The following SP140 variants were observed in gnomAD, a reference collection of about 807,000 sequenced individuals.
The protein encoded by SP140 is nuclear body protein SP140.
SP140 carries 81 observed loss-of-function variants against 125.0 expected under a neutral mutation model. That is an observed-to-expected ratio of 0.65 (90% CI 0.54 to 0.78). SP140 has a LOEUF of 0.78. SP140 is among the 30% of genes least tolerant of loss of function. The probability of loss-of-function intolerance (pLI) is 0.00; values close to 1 mark genes in which losing one functional copy is unlikely to be tolerated. For missense variants in SP140, 858 were observed against 1,037.0 expected (o/e 0.83, Z 2.37); for synonymous variants, 312 against 354.0 (o/e 0.88, Z 1.33).
the SP140 span, among the ~76,000 whole-genome samples, chr2:230,196,495 G>A: frequency 6.6e-6 from 1 of 151,544 alleles, no homozygotes; most frequent in Non-Finnish European, 1.5e-5. Context: ...AGTGGGGGAA[G>A]CAGATTAAAT....
In SP140 at chr2:230,225,803, G is replaced by A; in HGVS notation, c.-42G>A. ...CACCTCAGAGCTGCAGGAAGGAACG[G>A]GGCAGTGAAAATCGAATCGGGTGTG... On this transcript the variant is annotated 5_prime_UTR_variant, in exon 1 of 27. Transcript: ENST00000392045. 3 of 1,557,250 alleles carry A rather than the reference G, an allele frequency of 1.9e-6. No homozygotes were observed. Among genetic ancestry groups the A allele is most frequent in the Non-Finnish European group, 2.7e-6 (3 of 1,128,062 alleles).
intron 19 of SP140, among the ~76,000 whole-genome samples, chr2:230,292,434 G>T (rs148410032): frequency 3.4e-4 from 52 of 152,328 alleles, no homozygotes; most frequent in Non-Finnish European, 3.7e-4. Context: ...ATGGATGAAG[G>T]TCAAAGAAAT....
At chr2:230,219,802 C>T in intron 3 of SP140, 1 of 491,642 alleles carries the variant, frequency 2.0e-6, no homozygotes, top group Non-Finnish European at 2.6e-6. Context: ...CCTGCAGCTG[C>T]TGCCGCGAAG....
intron 15 of SP140, among the ~76,000 whole-genome samples, chr2:230,280,031 C>G (rs2055296627): frequency 6.6e-6 from 1 of 152,044 alleles, no homozygotes; most frequent in African/African-American, 2.4e-5. Context: ...TCTGGCTTCA[C>G]TCCATATATA....
At chr2:230,244,835 C>A (rs1029456603) in intron 5 of SP140, among the ~76,000 whole-genome samples, 153 bp from the exon 6 acceptor site, 1 of 152,084 alleles carries the variant, frequency 6.6e-6, no homozygotes. Context: ...AGAAGGAAAA[C>A]AGGCAGAGCA....
rs531504778 is a variant in SP140 at position 230,285,801 on chromosome 2, C to A, written c.1614C>A (p.Asn538Lys). 6.2e-7 allele frequency: 1 copy of A among 1,613,658 alleles called. No individual in the cohort carries two copies. Among genetic ancestry groups the A allele is most frequent in the South Asian group, 1.1e-5 (1 of 91,068 alleles). ...GQVVSSEKKA[N>K]VNLKDLSKIR... is the part of the protein sequence containing the mutation. The stretch of plus-strand genomic sequence containing the variant: ...TGGTCTCCAGTGAAAAGAAGGCGAA[C>A]GTGAATCTGAAAGACCTTTCCAAGA... The change falls in exon 17 of 27, where the codon AAC becomes AAA. Residue 538 changes from asparagine to lysine, a missense_variant. Asn to Lys is a moderately conservative substitution (Grantham distance 94, BLOSUM62 0). Coordinates refer to ENST00000392045, the MANE Select transcript of SP140 (RefSeq NM_007237.5).
chr2:230,295,313 A>G (rs1463748414), intron 21 of SP140, among the ~76,000 whole-genome samples: 1 of 152,212 alleles, frequency 6.6e-6, no homozygotes, highest in East Asian at 1.9e-4. Flanking sequence ...GCAGGCCTTT[A>G]CATTATCTGA....
intron 21 of SP140, 98 bp from the exon 22 acceptor site, chr2:230,297,323 C>T (rs2057833035): frequency 7.2e-7 from 1 of 1,395,232 alleles, no homozygotes; most frequent in Non-Finnish European, 9.9e-7. Context: ...ACAACTGGTT[C>T]CTGAATCCCT....
At chr2:230,314,515 A>G (rs968314815), downstream of SP140, among the ~76,000 whole-genome samples, 5 of 152,268 alleles carry the variant, frequency 3.3e-5, no homozygotes, top group Admixed American at 3.3e-4. Context: ...GAGTTTAACT[A>G]GCCTGGCATG....
upstream of SP140, chr2:230,225,586 C>T: frequency 1.8e-6 from 1 of 553,518 alleles, no homozygotes; most frequent in South Asian, 2.0e-5. Flanking sequence ...ACCCTCTTTC[C>T]TTGGCAGGAA....
chr2:230,202,819 CT>C (rs1345786555), upstream of SP140: 4 of 1,163,768 alleles, frequency 3.4e-6, no homozygotes, highest in African/African-American at 3.0e-5. Context: ...TCTCATGCCC[CT>C]AACTCCCACT....
At chr2:230,206,265 C>T (rs2043787490) in intron 1 of SP140, among the ~76,000 whole-genome samples, 1 of 152,054 alleles carries the variant, frequency 6.6e-6, no homozygotes, top group Non-Finnish European at 1.5e-5. Flanking sequence ...TGGCTCCTGC[C>T]TCCATCACCA....
intron 1 of SP140, among the ~76,000 whole-genome samples, chr2:230,206,605 ATATATAT>A: frequency 1.9e-5 from 1 of 51,606 alleles, no homozygotes; most frequent in Non-Finnish European, 3.5e-5. Context: ...TTATATATAT[ATATATAT>A]ATATATATAT....
intron 3 of SP140, chr2:230,239,161 A>G (rs2048373359): frequency 1.4e-6 from 1 of 701,284 alleles, no homozygotes; most frequent in Non-Finnish European, 2.0e-6. Context: ...TCTTGTTTTC[A>G]TATTATGATA....
Position 230,302,229 on chromosome 2 carries a change from C to CA in SP140, c.2058+4782dup, listed in dbSNP as rs745810802. Among the ~76,000 whole-genome samples the CA allele has an allele frequency of 9.4e-3, 1,192 of 127,034 alleles. 8 individuals are homozygous for CA. The highest frequency in any genetic ancestry group is 0.02 in the South Asian group (82 of 4,030). 83.3% of individuals were successfully genotyped at this position (127,034 alleles called of 152,430 possible). A position where few individuals can be genotyped will look rare whatever the true frequency, so the allele number is the denominator to read the frequency against. ...TGAAACCCCATCTCTACTAAAAATACAAAAAAAAAAAAAAATTAGCTGGGC... is the reference window on the plus strand; with the variant it reads ...TGAAACCCCATCTCTACTAAAAATACAAAAAAAAAAAAAAAATTAGCTGGGC... On this transcript the variant is annotated intron_variant, in intron 22 of 26. Coordinates refer to ENST00000392045, the MANE Select transcript of SP140 (RefSeq NM_007237.5).
chr2:230,232,968 AT>A (rs1394530169), intron 1 of SP140, among the ~76,000 whole-genome samples: 3 of 152,082 alleles, frequency 2.0e-5, no homozygotes, highest in Non-Finnish European at 4.4e-5. Context: ...GACTGTTAAC[AT>A]TTTTAATGTT....
At chr2:230,284,733 A>G (rs1043073171) in intron 16 of SP140, among the ~76,000 whole-genome samples, 1 of 152,322 alleles carries the variant, frequency 6.6e-6, no homozygotes, top group Non-Finnish European at 1.5e-5. Context: ...ATCAGGGTGT[A>G]TGTGTATGTG....
chr2:230,208,521 T>C (rs2044125194), intron 1 of SP140, among the ~76,000 whole-genome samples: 1 of 152,110 alleles, frequency 6.6e-6, no homozygotes, highest in Non-Finnish European at 1.5e-5. Context: ...CAGATGTAGT[T>C]AGGGTTTGTA....
chr2:230,245,516 G>T (rs370623196), intron 6 of SP140, among the ~76,000 whole-genome samples: 3 of 152,152 alleles, frequency 2.0e-5, no homozygotes, highest in African/African-American at 4.8e-5. Context: ...ATATAACGGG[G>T]CAAAGAGGTA....
Sources: allele counts gnomAD v4.1 joint callset (sites outside exome capture counted in the v4.1 genomes callset), GRCh38; gene constraint gnomAD v4.1.1; transcripts MANE v1.5; gene names NCBI Gene and HGNC (gene_info 2026-07-23, HGNC 2026-07-21).